GABRA3: variants seen among roughly 807,000 people sequenced by gnomAD.
GABRA3 encodes the protein gamma-aminobutyric acid receptor subunit alpha-3.
In GABRA3, 10 loss-of-function variants were observed where a neutral mutation model predicts 30.1. The observed-to-expected ratio is 0.33, with a 90% CI of 0.20 to 0.56. The LOEUF (loss-of-function observed/expected upper bound fraction) is 0.56, where lower values mean the gene tolerates loss of function less well. GABRA3 is among the 20% of genes least tolerant of loss of function. The pLI, the probability that GABRA3 is intolerant of heterozygous loss-of-function variation, is 0.89. For synonymous variants in GABRA3, 151 were observed against 146.8 expected (o/e 1.03, Z -0.21); for missense variants, 233 against 392.0 (o/e 0.59, Z 3.42).
intron 3 of GABRA3, among the ~76,000 whole-genome samples, chrX:152,310,534 C>T (rs1302539977): frequency 9.0e-6 from 1 of 110,993 alleles, no homozygotes; most frequent in Admixed American, 9.6e-5. Flanking sequence ...TATGACACAC[C>T]AGAATCTCCA....
At chrX:152,296,910 G>A (rs1236173432) in intron 3 of GABRA3, among the ~76,000 whole-genome samples, 1 of 110,186 alleles carries the variant, frequency 9.1e-6, no homozygotes, top group Non-Finnish European at 1.9e-5. Flanking sequence ...TGTTGGCCAG[G>A]CTGGTATTGA....
intron 1 of GABRA3, among the ~76,000 whole-genome samples, chrX:152,383,623 G>A (rs1929212098): frequency 9.4e-6 from 1 of 106,026 alleles, no homozygotes; most frequent in African/African-American, 3.4e-5. Context: ...AAAGCAAAGG[G>A]TAAAATCCCT....
At chrX:152,281,811 G>T (rs971699297) in intron 4 of GABRA3, among the ~76,000 whole-genome samples, 3 of 112,140 alleles carry the variant, frequency 2.7e-5, no homozygotes, top group African/African-American at 9.7e-5. Flanking sequence ...ACCTCTGTCA[G>T]GTTCTGTGCT....
chrX:152,375,132 T>C (rs1928960887), intron 1 of GABRA3, among the ~76,000 whole-genome samples: 1 of 111,912 alleles, frequency 8.9e-6, no homozygotes, highest in African/African-American at 3.3e-5. Context: ...AAAAAACTAC[T>C]TTAAAATTAA....
At chrX:152,196,408 G>GAAAA (rs201138176) in intron 8 of GABRA3, among the ~76,000 whole-genome samples, 1 of 64,063 alleles carries the variant, frequency 1.6e-5, no homozygotes, top group Non-Finnish European at 3.2e-5. Flanking sequence ...CAAAAAAAAA[G>GAAAA]AAAAAAAAAA....
chrX:152,303,166 A>T (rs1440385106), intron 3 of GABRA3, among the ~76,000 whole-genome samples: 2 of 112,342 alleles, frequency 1.8e-5, no homozygotes, highest in African/African-American at 3.2e-5. Flanking sequence ...ATCTTTCCAC[A>T]GAGGCTGATT....
intron 4 of GABRA3, among the ~76,000 whole-genome samples, chrX:152,277,035 A>G (rs1281392974): frequency 8.9e-6 from 1 of 111,735 alleles, no homozygotes; most frequent in Non-Finnish European, 1.9e-5. Flanking sequence ...CTCATTTTTA[A>G]GATTTTAAAA....
chrX:152,251,540 G>A (rs1396422033), intron 5 of GABRA3, among the ~76,000 whole-genome samples: 2 of 109,123 alleles, frequency 1.8e-5, no homozygotes, highest in Non-Finnish European at 3.8e-5. Context: ...ACTGGGTTCA[G>A]ATCCTTTCCT....
intron 6 of GABRA3, among the ~76,000 whole-genome samples, chrX:152,221,173 C>G (rs1172285843): frequency 9.0e-6 from 1 of 111,121 alleles, no homozygotes; most frequent in African/African-American, 3.3e-5. Flanking sequence ...CAGTCTCTAC[C>G]TTTTCCAAGA....
intron 1 of GABRA3, among the ~76,000 whole-genome samples, chrX:152,406,073 G>A (rs1345270006): frequency 9.1e-6 from 1 of 109,551 alleles, no homozygotes; most frequent in East Asian, 2.9e-4. Context: ...TGCCTCTTGG[G>A]GTCTGCAAGA....
intron 3 of GABRA3, among the ~76,000 whole-genome samples, chrX:152,303,451 T>C (rs187672043): frequency 9.0e-6 from 1 of 111,169 alleles, no homozygotes; most frequent in East Asian, 2.9e-4. Flanking sequence ...GACCCAGCAA[T>C]CCCATTACTG....
chrX:152,231,196 CATAT>C (rs1173359510), intron 5 of GABRA3, among the ~76,000 whole-genome samples: 2 of 106,209 alleles, frequency 1.9e-5, no homozygotes, highest in African/African-American at 6.8e-5. Context: ...TATATATACA[CATAT>C]ATATGTATAT....
At chrX:152,199,137 C>T (rs141919729) in intron 7 of GABRA3, among the ~76,000 whole-genome samples, 1,610 of 110,692 alleles carry the variant, frequency 0.015, 19 homozygotes, top group African/African-American at 0.031. Flanking sequence ...GAGGCCAAGG[C>T]GGGCAGATTA....
At chrX:152,307,558 C>T (rs1939738453) in intron 3 of GABRA3, among the ~76,000 whole-genome samples, 1 of 111,522 alleles carries the variant, frequency 9.0e-6, no homozygotes, top group South Asian at 3.8e-4. Context: ...GCAAAAATGG[C>T]AGACTAGACA....
intron 7 of GABRA3, among the ~76,000 whole-genome samples, chrX:152,204,448 T>G (rs903322921): frequency 9.0e-6 from 1 of 111,601 alleles, no homozygotes; most frequent in Non-Finnish European, 1.9e-5. Flanking sequence ...TTATAGACTC[T>G]GGAGCAAGTT....
rs6627548 is a variant in GABRA3 at position 152,200,907 on chromosome X, G to T, written c.779-3122C>A. Among the ~76,000 whole-genome samples the T allele has an allele frequency of 0.018, 2,018 of 111,473 alleles. 101 individuals carry two copies. In the East Asian group the frequency reaches 0.23, roughly 13 times the overall value. ...TCTATACTTCTTTCTTTCTCATTCT[G>T]TCTTGTTGTCTGTCTTCTGAAGAGG... On this transcript the variant is annotated intron_variant, in intron 7 of 9. Transcript: ENST00000370314.
At chrX:152,352,376 T>A (rs1168544233) in intron 2 of GABRA3, among the ~76,000 whole-genome samples, 1 of 112,117 alleles carries the variant, frequency 8.9e-6, no homozygotes, top group African/African-American at 3.2e-5. Context: ...AGGTTGTTCA[T>A]TAACTTCCCC....
intron 8 of GABRA3, among the ~76,000 whole-genome samples, chrX:152,190,708 A>G (rs1484308992): frequency 9.1e-6 from 1 of 110,039 alleles, no homozygotes; most frequent in Non-Finnish European, 1.9e-5. Flanking sequence ...GATGAAAACT[A>G]TTCCGAAATC....
chrX:152,247,394 T>C (rs145959749), intron 5 of GABRA3, among the ~76,000 whole-genome samples: 2,667 of 111,010 alleles, frequency 0.024, 44 homozygotes, highest in Middle Eastern at 0.065. Context: ...TCGTGTCCAC[T>C]TCAGATTTGT....
Sources: allele counts gnomAD v4.1 joint callset (sites outside exome capture counted in the v4.1 genomes callset), GRCh38; gene constraint gnomAD v4.1.1; transcripts MANE v1.5; gene names NCBI Gene and HGNC (gene_info 2026-07-23, HGNC 2026-07-21).